The following FCRL3 variants were observed in gnomAD, a reference collection of about 807,000 sequenced individuals.
FCRL3 encodes Fc receptor-like protein 3.
Under a neutral mutation model 75.0 loss-of-function variants are expected in FCRL3, and 89 were observed. The observed-to-expected ratio is 1.19, with a 90% CI of 1.00 to 1.42. The LOEUF (loss-of-function observed/expected upper bound fraction) is 1.42, where lower values mean the gene tolerates loss of function less well. Among genes scored for constraint, FCRL3 ranks in the 40% most tolerant of loss-of-function variants. The pLI, the probability that FCRL3 is intolerant of heterozygous loss-of-function variation, is 0.00. For missense variants in FCRL3, 946 were observed against 880.0 expected (o/e 1.07, Z -0.95); for synonymous variants, 376 against 348.5 (o/e 1.08, Z -0.88).
chr1:157,687,400 T>C (rs1386484339), intron 10 of FCRL3, among the ~76,000 whole-genome samples: 1 of 133,972 alleles, frequency 7.5e-6, no homozygotes, highest in Non-Finnish European at 1.6e-5. Flanking sequence ...GAACTTATAA[T>C]AGAGCTACCA....
rs542304109 is a variant in FCRL3 at position 157,678,014 on chromosome 1, T to C, written c.*696A>G. ...TCATGTATGGCAAATGATGAGACTA[T>C]GTCATGAAGCAAAAATTACAATTAA... On this transcript the variant is annotated 3_prime_UTR_variant, in exon 15 of 15. Coordinates refer to ENST00000368184, the MANE Select transcript of FCRL3 (RefSeq NM_052939.4). 2.8e-5 allele frequency: 28 copies of C among 985,254 alleles called. No homozygotes were observed. In the South Asian group the frequency reaches 1.1e-3, roughly 40 times the overall value. The allele number at this position is 985,254 out of a possible 1,614,324, so 61.0% of individuals were successfully genotyped here.
At position 157,680,961 on chromosome 1, in the gene FCRL3, G is replaced by A. The variant is rs1250812947; in HGVS notation, c.1957+20C>T. On this transcript the variant is annotated intron_variant, in intron 12 of 14. Coordinates refer to ENST00000368184, the MANE Select transcript of FCRL3 (RefSeq NM_052939.4). Reference sequence around the variant, plus strand: ...CCCTGGCTCCTCCCTAGAGCCTTCTGCCCCCTAGGGAGTCCTCACCATTGC... The same window carrying A: ...CCCTGGCTCCTCCCTAGAGCCTTCTACCCCCTAGGGAGTCCTCACCATTGC... 2.6e-6 allele frequency: 4 copies of A among 1,548,826 alleles called. No homozygotes were observed. In the South Asian group the frequency reaches 5.0e-5, roughly 19 times the overall value.
intron 10 of FCRL3, among the ~76,000 whole-genome samples, chr1:157,687,868 C>T (rs535969128): frequency 6.6e-6 from 1 of 151,742 alleles, no homozygotes; most frequent in Non-Finnish European, 1.5e-5. Flanking sequence ...GATCTGTACC[C>T]CAAATCTCAA....
upstream of FCRL3, chr1:157,700,924 G>A: frequency 4.8e-6 from 1 of 207,376 alleles, no homozygotes; most frequent in Non-Finnish European, 9.5e-6. Flanking sequence ...AATGAGCGTG[G>A]TGTGAATCAC....
Position 157,683,231 on chromosome 1 carries a change from G to A in FCRL3, c.1824C>T (p.Ala608=). The change falls in exon 11 of 15, where the codon GCC becomes GCT. Residue 608 remains alanine (A), a synonymous_variant. Coordinates refer to ENST00000368184, the MANE Select transcript of FCRL3 (RefSeq NM_052939.4). ...RARRKPGGLS[A]TGTSSHSPSE... ...AGAGACCTCACCTAGATGTTCCAGTGGCAGAAAGTCCTCCTGCAAAACAAA... is the reference window on the plus strand; with the variant it reads ...AGAGACCTCACCTAGATGTTCCAGTAGCAGAAAGTCCTCCTGCAAAACAAA... The A allele has an allele frequency of 6.2e-7, 1 of 1,613,554 alleles. No individual in the cohort carries two copies. Among genetic ancestry groups the A allele is most frequent in the South Asian group, 1.1e-5 (1 of 91,018 alleles).
rs1028809010 is a variant in FCRL3 at position 157,698,625 on chromosome 1, C to T, written c.57G>A (p.Val19=). ...TGAGGAGAAGTACAGCTTTTGGGGC[C>T]ACCCCTAAACAGGAAATAGAAAGAT... ...ILTPGREQSG[V]APKAVLLLNP... The change falls in exon 4 of 15, where the codon GTG becomes GTA. Residue 19 remains valine (V), a synonymous_variant. Transcript: ENST00000368184. The T allele has an allele frequency of 6.2e-7, 1 of 1,613,828 alleles. No individual in the cohort carries two copies. The highest frequency in any genetic ancestry group is 1.3e-5 in the African/African-American group (1 of 74,906).
chr1:157,677,165 C>T lies in FCRL3; in HGVS notation c.*1545G>A. 9.9e-7 allele frequency: 1 copy of T among 1,007,536 alleles called. No individual in the cohort carries two copies. The highest frequency in any genetic ancestry group is 9.3e-5 in the East Asian group (1 of 10,788). The allele number at this position is 1,007,536 out of a possible 1,614,324, so 62.4% of individuals were successfully genotyped here. A position where few individuals can be genotyped will look rare whatever the true frequency, so the allele number is the denominator to read the frequency against. ...TGATCATCACATTTTTTGAGGCCAG[C>T]AGCTGTGGCTTAGCTGGCTTTGCTG... is the stretch of plus-strand genomic sequence containing the variant. On this transcript the variant is annotated 3_prime_UTR_variant, in exon 15 of 15. Transcript: ENST00000368184.
chr1:157,698,280 TC>T, intron 4 of FCRL3, 103 bp downstream of exon 4: 1 of 1,375,818 alleles, frequency 7.3e-7, no homozygotes, highest in Non-Finnish European at 1.0e-6. Flanking sequence ...AGTGCATCAA[TC>T]CCCATGTCTG....
Position 157,697,358 on chromosome 1 carries a change from A to G in FCRL3, c.626T>C (p.Leu209Pro), listed in dbSNP as rs200028494. 2 of 1,603,742 alleles carry G rather than the reference A, an allele frequency of 1.2e-6. No individual in the cohort carries two copies. Among genetic ancestry groups the G allele is most frequent in the Middle Eastern group, 1.7e-4 (1 of 5,972 alleles). The change falls in exon 6 of 15, where the codon CTG (leucine) becomes CCG (proline). Residue 209 changes from leucine to proline, a missense_variant. Transcript: ENST00000368184. ...TGGAGAGAGCTGGGTCTCACAGGTC[A>G]GGGTCATGGGACTCCCCTCTATGGG... ...STPIEGSPMTLTCETQLSPQR... is the reference protein window; with the variant it reads ...STPIEGSPMTPTCETQLSPQR...
In FCRL3 at chr1:157,678,417, C is replaced by A; in HGVS notation, c.*293G>T. On this transcript the variant is annotated 3_prime_UTR_variant, in exon 15 of 15. Coordinates refer to ENST00000368184, the MANE Select transcript of FCRL3 (RefSeq NM_052939.4). The stretch of plus-strand genomic sequence containing the variant: ...TGTGCCCTTGTAACCCTGGCTAGAC[C>A]ATTTCTCTCTCCTCCTCTATTCGAC... 2 of 1,238,066 alleles carry A rather than the reference C, an allele frequency of 1.6e-6. No homozygotes were observed. The highest frequency in any genetic ancestry group is 2.0e-6 in the Non-Finnish European group (2 of 982,628). The allele number at this position is 1,238,066 out of a possible 1,614,324, so 76.7% of individuals were successfully genotyped here.
chr1:157,696,384 G>A, intron 6 of FCRL3, 57 bp from the exon 7 acceptor site: 1 of 1,592,026 alleles, frequency 6.3e-7, no homozygotes, highest in Non-Finnish European at 8.6e-7. Flanking sequence ...TCAAGGTCAA[G>A]GGGAAGGCTG....
In FCRL3 at chr1:157,678,815, T is replaced by G. The variant is rs1015615797; in HGVS notation, c.2100A>C (p.Pro700=). The change falls in exon 15 of 15, where the codon CCA becomes CCC. Residue 700 remains proline, a synonymous_variant. Coordinates refer to ENST00000368184, the MANE Select transcript of FCRL3 (RefSeq NM_052939.4). The part of the protein sequence containing the change: ...VLYSELKKTH[P]DDSAGEASSR... ...TGCTAGCCTCCCCTGCAGAGTCGTC[T>G]GGGTGTGTCTTCTTCAGTTCTGAAT... 1 of 1,614,052 alleles carries G rather than the reference T, an allele frequency of 6.2e-7. No homozygotes were observed. Among genetic ancestry groups the G allele is most frequent in the Non-Finnish European group, 8.5e-7 (1 of 1,179,990 alleles).
At chr1:157,685,612 A>G (rs893027787) in intron 10 of FCRL3, among the ~76,000 whole-genome samples, 151 of 152,258 alleles carry the variant, frequency 9.9e-4, no homozygotes, top group African/African-American at 3.6e-3. Context: ...CCTAACACAC[A>G]TCTACAGAAT....
chr1:157,676,813 A>C lies in FCRL3; in HGVS notation c.*1897T>G, dbSNP rs1239648031. The C allele has an allele frequency of 1.9e-6, 3 of 1,549,042 alleles. No individual in the cohort carries two copies. The Admixed American group carries it at 5.9e-5, about 30-fold the overall frequency. Reference sequence around the variant, plus strand: ...TGATAAGAGATGACAGGTCCCTTAGAGAAAGTTCACTATAAGGCACAAAGG... The same window carrying C: ...TGATAAGAGATGACAGGTCCCTTAGCGAAAGTTCACTATAAGGCACAAAGG... On this transcript the variant is annotated 3_prime_UTR_variant, in exon 15 of 15. Transcript: ENST00000368184.
rs773416309 is a variant in FCRL3, at chr1:157,681,014, C to T, written c.1924G>A (p.Ala642Thr). Residue 642 changes from alanine to threonine, a missense_variant, in exon 12 of 15, where the codon GCC becomes ACC. Ala to Thr is a moderately conservative substitution (Grantham distance 58, BLOSUM62 0). Transcript: ENST00000368184. The part of the protein sequence containing the change: ...PQEPTHSKPL[A>T]PMELEPMYSN... ...TACATTGGCTCCAGCTCCATTGGGG[C>T]TAGTGGTTTAGAGTGAGTGGGCTCT... 6.2e-7 allele frequency: 1 copy of T among 1,601,166 alleles called. No homozygotes were observed. The highest frequency in any genetic ancestry group is 8.5e-7 in the Non-Finnish European group (1 of 1,175,680).
chr1:157,679,321 G>T, intron 13 of FCRL3: 1 of 328,770 alleles, frequency 3.0e-6, no homozygotes, highest in South Asian at 3.4e-5. Context: ...CCCCAGAGGG[G>T]CACCCACCCC....
chr1:157,682,051 G>A (rs1654886515), intron 11 of FCRL3, among the ~76,000 whole-genome samples: 1 of 152,052 alleles, frequency 6.6e-6, no homozygotes, highest in South Asian at 2.1e-4. Flanking sequence ...CTTTTGAGAA[G>A]TGTCTGTTCA....
chr1:157,700,746 C>A lies in FCRL3; in HGVS notation c.-181G>T. 1 of 1,392,626 alleles carries A rather than the reference C, an allele frequency of 7.2e-7. No individual in the cohort carries two copies. Among genetic ancestry groups the A allele is most frequent in the Non-Finnish European group, 9.3e-7 (1 of 1,071,814 alleles). The allele number at this position is 1,392,626 out of a possible 1,614,324, so 86.3% of individuals were successfully genotyped here. ...TCATCTTCCATCAGCTGCAGTCTCT[C>A]AGGAGTAATGTCTCCAAGACTGTGC... On this transcript the variant is annotated 5_prime_UTR_variant, in exon 1 of 15. Transcript: ENST00000368184.
At position 157,678,301 on chromosome 1, in the gene FCRL3, C is replaced by T. The variant is rs750185243; in HGVS notation, c.*409G>A. On this transcript the variant is annotated 3_prime_UTR_variant, in exon 15 of 15. Coordinates refer to ENST00000368184, the MANE Select transcript of FCRL3 (RefSeq NM_052939.4). ...ATCAGCAATGCCACTACCAGCCACA[C>T]AAAAAAGGGAAACAAAATATTTGGA... 2.8e-5 allele frequency: 28 copies of T among 1,011,518 alleles called. No individual in the cohort carries two copies. The highest frequency in any genetic ancestry group is 3.3e-5 in the Non-Finnish European group (28 of 845,828). The allele number at this position is 1,011,518 out of a possible 1,614,324, so 62.7% of individuals were successfully genotyped here. A position where few individuals can be genotyped will look rare whatever the true frequency, so the allele number is the denominator to read the frequency against.
Sources: gnomAD v4.1 joint callset for allele counts (sites outside exome capture counted in the v4.1 genomes callset) on GRCh38, gnomAD v4.1.1 for gene constraint, MANE v1.5 for transcripts, NCBI Gene and HGNC (gene_info 2026-07-23, HGNC 2026-07-21) for gene names.